Variants in MS4A2 observed in about 807,000 individuals in gnomAD.
The protein encoded by MS4A2 is high affinity immunoglobulin epsilon receptor subunit beta.
A neutral mutation model predicts 27.9 loss-of-function variants in MS4A2; 26 were observed. That is an observed-to-expected ratio of 0.93 (90% confidence interval 0.68 to 1.29). The LOEUF (loss-of-function observed/expected upper bound fraction) is 1.29. Ranked by LOEUF, MS4A2 falls within the 50% of genes most tolerant of loss-of-function variation. MS4A2 has a pLI of 0.00. For missense variants in MS4A2, 284 were observed against 284.6 expected (o/e 1.00, Z 0.01); for synonymous variants, 110 against 98.8 (o/e 1.11, Z -0.67).
rs749947371 is a variant in MS4A2 at position 60,088,782 on chromosome 11, A to G, written c.17A>G (p.Asn6Ser). The G allele has an allele frequency of 2.5e-6, 4 of 1,612,348 alleles. No individual in the cohort carries two copies. Among genetic ancestry groups the G allele is most frequent in the African/African-American group, 1.3e-5 (1 of 75,016 alleles). Residue 6 changes from asparagine (N) to serine (S), a missense_variant, in exon 1 of 7, where the codon AAT becomes AGT. Transcript: ENST00000278888. MDTES[N>S]RRANLALPQE... ...AATGAAAAAATGGACACAGAAAGTA[A>G]TAGGAGAGCAAATCTTGCTCTCCCA...
intron 6 of MS4A2, 52 bp from the exon 7 acceptor site, chr11:60,095,506 T>C: frequency 2.5e-6 from 3 of 1,181,570 alleles, no homozygotes; most frequent in Non-Finnish European, 3.8e-6. Context: ...GCGAGACTTC[T>C]AGGGATGGGA....
At position 60,094,007 on chromosome 11, in the gene MS4A2, G is replaced by A. The variant is rs1167619732; in HGVS notation, c.581G>A (p.Gly194Asp). Reference protein sequence around the residue: ...MMLFLTILGLGSAVSLTICGA... With the variant: ...MMLFLTILGLDSAVSLTICGA... ...CTGTTTCTCACCATTCTGGGACTTG[G>A]TAGTGCTGTGTCACTCACAATCTGT... Residue 194 changes from glycine to aspartate, a missense_variant, in exon 6 of 7, where the codon GGT (glycine) becomes GAT (aspartate). Gly to Asp is a moderately conservative substitution (Grantham distance 94, BLOSUM62 -1). Transcript: ENST00000278888. 6.2e-7 allele frequency: 1 copy of A among 1,614,110 alleles called. No homozygotes were observed. The highest frequency in any genetic ancestry group is 8.5e-7 in the Non-Finnish European group (1 of 1,179,956).
chr11:60,092,164 A>C (rs371903404), intron 3 of MS4A2, among the ~76,000 whole-genome samples: 2 of 152,186 alleles, frequency 1.3e-5, no homozygotes, highest in African/African-American at 4.8e-5. Context: ...TTGCTACTCC[A>C]AGAGTAACCC....
intron 3 of MS4A2, 64 bp downstream of exon 3, chr11:60,090,534 T>C (rs1465036814): frequency 6.7e-7 from 1 of 1,493,472 alleles, no homozygotes; most frequent in African/African-American, 1.4e-5. Context: ...CTTTCTCAGA[T>C]CTAACCAGTT....
At chr11:60,093,932 C>G (rs1335171695) in intron 5 of MS4A2, 32 bp from the exon 6 acceptor site, 4 of 1,551,168 alleles carry the variant, frequency 2.6e-6, no homozygotes, top group Non-Finnish European at 3.6e-6. Flanking sequence ...CCATGTGACT[C>G]TTTTTGTTTG....
At position 60,096,886 on chromosome 11, in the gene MS4A2, C is replaced by CT. The variant is rs1855879068; in HGVS notation, c.*1230_*1231insT. On this transcript the variant is annotated 3_prime_UTR_variant, in exon 7 of 7. Coordinates refer to ENST00000278888, the MANE Select transcript of MS4A2 (RefSeq NM_000139.5). Reference sequence around the variant, plus strand: ...TTGGTGACAATGGGAGACTCCATCTCAAAAAAAAAAAAAAAAAAAAAAAAG... The same window carrying CT: ...TTGGTGACAATGGGAGACTCCATCTCTAAAAAAAAAAAAAAAAAAAAAAAAG... The CT allele has an allele frequency of 1.8e-5, 1 of 55,054 alleles. No homozygotes were observed. Among genetic ancestry groups the CT allele is most frequent in the Non-Finnish European group, 3.2e-5 (1 of 30,788 alleles). 3.4% of individuals were successfully genotyped at this position (55,054 alleles called of 1,614,324 possible).
chr11:60,093,862 C>A, intron 5 of MS4A2, 102 bp from the exon 6 acceptor site: 1 of 837,744 alleles, frequency 1.2e-6, no homozygotes, highest in South Asian at 1.4e-5. Flanking sequence ...AAGGACTGGT[C>A]AGATGGTAGG....
intron 6 of MS4A2, among the ~76,000 whole-genome samples, chr11:60,095,150 T>TACTTAGGAG (rs1855845462): frequency 6.6e-6 from 1 of 152,038 alleles, no homozygotes; most frequent in Non-Finnish European, 1.5e-5. Flanking sequence ...TAATTTCAGC[T>TACTTAGGAG]ACTTAGGAGG....
intron 4 of MS4A2, 29 bp from the exon 5 acceptor site, chr11:60,093,371 C>G (rs903445615): frequency 6.2e-7 from 1 of 1,614,058 alleles, no homozygotes; most frequent in Non-Finnish European, 8.5e-7. Flanking sequence ...AGTGCAGGCC[C>G]AGGTCTGAGT....
chr11:60,088,890 C>T (rs1397225265), intron 1 of MS4A2, 69 bp downstream of exon 1: 1 of 1,449,856 alleles, frequency 6.9e-7, no homozygotes, highest in Non-Finnish European at 9.6e-7. Flanking sequence ...AGTCACGGTG[C>T]TTAGGAGATG....
chr11:60,095,717 T>A lies in MS4A2; in HGVS notation c.*61T>A. 8.8e-7 allele frequency: 1 copy of A among 1,142,014 alleles called. No individual in the cohort carries two copies. Among genetic ancestry groups the A allele is most frequent in the Non-Finnish European group, 1.3e-6 (1 of 751,524 alleles). 70.7% of individuals were successfully genotyped at this position (1,142,014 alleles called of 1,614,324 possible). ...AGGATCCAGAAGGCCAAGGTCTTGT[T>A]AAGGGGCTACTGGAAAAATTTCTAT... On this transcript the variant is annotated 3_prime_UTR_variant, in exon 7 of 7. Transcript: ENST00000278888.
In MS4A2 at chr11:60,093,470, T is replaced by C. The variant is rs1349233396; in HGVS notation, c.449T>C (p.Ile150Thr). ...AGGTGITILI[I>T]NLKKSLAYIH... ...GGAACGGGAATTACCATCCTGATCA[T>C]CAACCTGAAGAAGAGCTTGGCCTAT... The change falls in exon 5 of 7, where the codon ATC becomes ACC. Residue 150 changes from isoleucine (I) to threonine (T), a missense_variant. Coordinates refer to ENST00000278888, the MANE Select transcript of MS4A2 (RefSeq NM_000139.5). The C allele has an allele frequency of 1.2e-6, 2 of 1,614,096 alleles. No homozygotes were observed. The highest frequency in any genetic ancestry group is 3.3e-5 in the Admixed American group (2 of 60,008).
chr11:60,096,021 A>T lies in MS4A2; in HGVS notation c.*365A>T. 4.2e-6 allele frequency: 1 copy of T among 239,296 alleles called. No individual in the cohort carries two copies. Among genetic ancestry groups the T allele is most frequent in the Non-Finnish European group, 8.1e-6 (1 of 122,832 alleles). The allele number at this position is 239,296 out of a possible 1,614,324, so 14.8% of individuals were successfully genotyped here. ...GACAGTTTGATAATATTTGGTTCTTAGGGTTTTTTTTTTTTTTTAGCATTC... is the reference window on the plus strand; with the variant it reads ...GACAGTTTGATAATATTTGGTTCTTTGGGTTTTTTTTTTTTTTTAGCATTC... On this transcript the variant is annotated 3_prime_UTR_variant, in exon 7 of 7. Coordinates refer to ENST00000278888, the MANE Select transcript of MS4A2 (RefSeq NM_000139.5).
chr11:60,092,863 T>A lies in MS4A2; in HGVS notation c.378+15T>A. On this transcript the variant is annotated intron_variant, in intron 4 of 6. Transcript: ENST00000278888. ...CAACATATCTGGTGAGTTGCCCGTT[T>A]CTGTCTTTGTCCATCCTTGAAAAGA... is the stretch of plus-strand genomic sequence containing the variant. 6.2e-7 allele frequency: 1 copy of A among 1,611,168 alleles called. No individual in the cohort carries two copies. Among genetic ancestry groups the A allele is most frequent in the Non-Finnish European group, 8.5e-7 (1 of 1,177,476 alleles).
intron 6 of MS4A2, 96 bp downstream of exon 6, chr11:60,094,158 T>C: frequency 1.2e-6 from 1 of 828,876 alleles, no homozygotes; most frequent in South Asian, 1.5e-5. Context: ...AAACATTTCT[T>C]CCAGAAAATA....
Position 60,095,606 on chromosome 11 carries a change from T to C in MS4A2, c.685T>C (p.Tyr229His). The change falls in exon 7 of 7, where the codon TAC becomes CAC. Residue 229 changes from tyrosine to histidine, a missense_variant. Tyr to His is a moderately conservative substitution (Grantham distance 83). Transcript: ENST00000278888. ...AGAATTAAACATATATTCAGCTACT[T>C]ACAGTGAGTTGGAAGACCCAGGGGA... is the stretch of plus-strand genomic sequence containing the variant. ...YEELNIYSAT[Y>H]SELEDPGEMS... 6.2e-7 allele frequency: 1 copy of C among 1,613,040 alleles called. No individual in the cohort carries two copies. Among genetic ancestry groups the C allele is most frequent in the South Asian group, 1.1e-5 (1 of 91,058 alleles).
chr11:60,093,912 G>A, intron 5 of MS4A2, 52 bp from the exon 6 acceptor site: 2 of 1,414,734 alleles, frequency 1.4e-6, no homozygotes, highest in Non-Finnish European at 2.0e-6. Context: ...ATAAACTTTT[G>A]GGGCGAATAC....
At position 60,094,053 on chromosome 11, in the gene MS4A2, AG is replaced by A. The variant is rs1855822599; in HGVS notation, c.629del (p.Gly210GlufsTer13). ...TICGAGEELK[G>X]NKVPEDRVYE... ...TCTGTGGAGCTGGGGAAGAACTCAA[AG>A]GAAACAAGGTAGATAGAAGCCCGAT... is the stretch of plus-strand genomic sequence containing the variant. On this transcript the variant is annotated frameshift_variant, in exon 6 of 7. Transcript: ENST00000278888. LOFTEE classifies it high-confidence loss of function. 6.2e-7 allele frequency: 1 copy of A among 1,610,568 alleles called. No homozygotes were observed. Among genetic ancestry groups the A allele is most frequent in the Non-Finnish European group, 8.5e-7 (1 of 1,176,764 alleles).
At chr11:60,089,934 A>T in intron 2 of MS4A2, 113 bp downstream of exon 2, 1 of 1,367,458 alleles carries the variant, frequency 7.3e-7, no homozygotes, top group South Asian at 1.3e-5. Context: ...AGGTCCTTTA[A>T]AAAACATGGT....
Sources: gnomAD v4.1 joint callset for allele counts (sites outside exome capture counted in the v4.1 genomes callset) on GRCh38, gnomAD v4.1.1 for gene constraint, MANE v1.5 for transcripts, NCBI Gene and HGNC (gene_info 2026-07-23, HGNC 2026-07-21) for gene names.